The following AUTS2 variants were observed in gnomAD, a reference collection of about 807,000 sequenced individuals.
AUTS2 encodes activator of transcription and developmental regulator AUTS2, also known as autism susceptibility gene 2 protein.
In AUTS2, 17 loss-of-function variants were observed where a neutral mutation model predicts 112.4. That is an observed-to-expected ratio of 0.15 (90% CI 0.10 to 0.23). AUTS2 has a LOEUF of 0.23. AUTS2 is among the 10% of genes least tolerant of loss of function. The pLI, the probability that AUTS2 is intolerant of heterozygous loss-of-function variation, is 1.00. For missense variants in AUTS2, 1,510 were observed against 1,701.6 expected, an observed-to-expected ratio of 0.89 and a Z score of 1.98; for synonymous variants, 751 against 702.7, an observed-to-expected ratio of 1.07 and a Z score of -1.09.
intron 1 of AUTS2, among the ~76,000 whole-genome samples, chr7:69,881,914 G>A (rs1272130447): frequency 6.6e-6 from 1 of 152,098 alleles, no homozygotes; most frequent in Admixed American, 6.5e-5. Context: ...CACTTTGGGA[G>A]GCCGAGGTGG....
In AUTS2 at chr7:70,727,212, C is replaced by T. The variant is rs981928597; in HGVS notation, c.742+28592C>T. Among the ~76,000 whole-genome samples, 10 of 152,134 alleles carry T rather than the reference C, an allele frequency of 6.6e-5. No individual in the cohort carries two copies. In the East Asian group the frequency reaches 1.3e-3, roughly 21 times the overall value. ...GGTTAAACAATTCCCTCCAGGCCAG[C>T]GTGTGGGAACCTGCACATTCCTACC... On this transcript the variant is annotated intron_variant, in intron 6 of 18. Transcript: ENST00000342771.
chr7:69,772,172 C>T (rs1260260568), intron 1 of AUTS2, among the ~76,000 whole-genome samples: 2 of 152,204 alleles, frequency 1.3e-5, no homozygotes, highest in African/African-American at 4.8e-5. Context: ...AGCTGGACTG[C>T]ATCCAAAATT....
At chr7:70,335,626 C>T (rs7457621) in intron 4 of AUTS2, among the ~76,000 whole-genome samples, 16 of 152,284 alleles carry the variant, frequency 1.1e-4, no homozygotes, top group African/African-American at 2.6e-4. Flanking sequence ...CACAGAATTC[C>T]AGCTGTTGGT....
intron 5 of AUTS2, among the ~76,000 whole-genome samples, chr7:70,443,468 G>T (rs1210849419): frequency 6.6e-6 from 1 of 152,200 alleles, no homozygotes; most frequent in Non-Finnish European, 1.5e-5. Context: ...GGCCCCAACA[G>T]CATGGCAGAA....
chr7:70,507,572 G>A (rs962730508), intron 5 of AUTS2, among the ~76,000 whole-genome samples: 1 of 152,078 alleles, frequency 6.6e-6, no homozygotes, highest in Non-Finnish European at 1.5e-5. Flanking sequence ...TGAGGTGGGT[G>A]GATCACCTGA....
At chr7:70,697,845 T>G (rs1809212445) in intron 5 of AUTS2, among the ~76,000 whole-genome samples, 1 of 152,252 alleles carries the variant, frequency 6.6e-6, no homozygotes, top group Non-Finnish European at 1.5e-5. Context: ...CTTCCATGTT[T>G]ATTTTCCAGA....
intron 4 of AUTS2, among the ~76,000 whole-genome samples, chr7:70,277,878 A>G (rs186348979): frequency 6.0e-4 from 91 of 152,038 alleles, no homozygotes; most frequent in African/African-American, 2.0e-3. Flanking sequence ...AGTCAAGAAT[A>G]TGTTACCCAT....
intron 4 of AUTS2, among the ~76,000 whole-genome samples, chr7:70,423,162 G>T (rs1275469956): frequency 1.3e-5 from 2 of 152,210 alleles, no homozygotes; most frequent in East Asian, 1.9e-4. Flanking sequence ...GTGGTGGTCT[G>T]TTGGATCCTT....
chr7:69,716,429 G>A (rs62457234), intron 1 of AUTS2, among the ~76,000 whole-genome samples: 8,219 of 152,034 alleles, frequency 0.054, 348 homozygotes, highest in Non-Finnish European at 0.073. Context: ...TTTCGATAGG[G>A]AAAAGAAGCA....
intron 3 of AUTS2, among the ~76,000 whole-genome samples, 167 bp from the exon 4 acceptor site, chr7:70,134,369 T>G (rs2129574839): frequency 6.6e-6 from 1 of 152,222 alleles, no homozygotes; most frequent in East Asian, 1.9e-4. Flanking sequence ...AGGGGAAAAT[T>G]AAGCAACACG....
At chr7:70,637,371 C>CA (rs1805584381) in intron 5 of AUTS2, among the ~76,000 whole-genome samples, 2 of 152,188 alleles carry the variant, frequency 1.3e-5, no homozygotes, top group Non-Finnish European at 2.9e-5. Flanking sequence ...TATATACCAC[C>CA]ACCCTTCCAT....
At chr7:70,408,069 A>AG (rs1160869560) in intron 4 of AUTS2, among the ~76,000 whole-genome samples, 3 of 151,612 alleles carry the variant, frequency 2.0e-5, no homozygotes, top group African/African-American at 7.3e-5. Flanking sequence ...AAAAAAAAAA[A>AG]AAGTCAGAAA....
chr7:70,133,986 A>G (rs1806411332), intron 3 of AUTS2, among the ~76,000 whole-genome samples: 1 of 152,182 alleles, frequency 6.6e-6, no homozygotes, highest in South Asian at 2.1e-4. Flanking sequence ...TTACGTTTAC[A>G]AAATGTCTCA....
At chr7:70,595,109 AAAG>A (rs1376580565) in intron 5 of AUTS2, among the ~76,000 whole-genome samples, 1 of 151,764 alleles carries the variant, frequency 6.6e-6, no homozygotes. Flanking sequence ...GAAAAAAAAA[AAAG>A]AATTATTACC....
intron 5 of AUTS2, among the ~76,000 whole-genome samples, chr7:70,656,753 G>T (rs1009174038): frequency 6.6e-6 from 1 of 152,122 alleles, no homozygotes; most frequent in East Asian, 1.9e-4. Flanking sequence ...CATGCAATAG[G>T]ATTACAGGAG....
At chr7:70,149,259 A>G (rs906871400) in intron 4 of AUTS2, among the ~76,000 whole-genome samples, 1 of 152,048 alleles carries the variant, frequency 6.6e-6, no homozygotes, top group African/African-American at 2.4e-5. Flanking sequence ...GACACAAAAT[A>G]AGCTCATTGA....
chr7:69,659,584 T>TTG (rs67040499), intron 1 of AUTS2, among the ~76,000 whole-genome samples: 13 of 25,958 alleles, frequency 5.0e-4, no homozygotes, highest in Non-Finnish European at 9.5e-4. Flanking sequence ...GGCTTAGTTG[T>TTG]TTTTTTTTTT....
chr7:70,108,783 C>CAAAAAAAAAAAAAAAAAAAAA (rs528009205), intron 2 of AUTS2, among the ~76,000 whole-genome samples: 2 of 69,184 alleles, frequency 2.9e-5, no homozygotes, highest in East Asian at 5.1e-4. Context: ...GCCAACATGG[C>CAAAAAAAAAAAAAAAAAAAAA]AAAAAAAAAA....
chr7:70,723,729 C>T lies in AUTS2; in HGVS notation c.742+25109C>T, dbSNP rs568851043. Among the ~76,000 whole-genome samples the T allele has an allele frequency of 1.2e-4, 13 of 105,266 alleles. No individual in the cohort carries two copies. In the South Asian group the frequency reaches 5.0e-3, roughly 41 times the overall value. The allele number at this position is 105,266 out of a possible 152,430, so 69.1% of individuals were successfully genotyped here. On this transcript the variant is annotated intron_variant, in intron 6 of 18. Coordinates refer to ENST00000342771, the MANE Select transcript of AUTS2 (RefSeq NM_015570.4). ...ATTTATGTATTTTCAATAAAACAAA[C>T]TTGTGTATTTGGGTTTTAGTTTAAC...
Sources: allele counts gnomAD v4.1 joint callset (sites outside exome capture counted in the v4.1 genomes callset), GRCh38; gene constraint gnomAD v4.1.1; transcripts MANE v1.5; gene names NCBI Gene and HGNC (gene_info 2026-07-23, HGNC 2026-07-21).